Variants in CACNA2D1 observed in about 807,000 individuals in gnomAD.
CACNA2D1 encodes the protein voltage-dependent calcium channel subunit alpha-2/delta-1.
A neutral mutation model predicts 171.5 loss-of-function variants in CACNA2D1; 53 were observed. That is an observed-to-expected ratio of 0.31 (90% CI 0.25 to 0.39). The LOEUF (loss-of-function observed/expected upper bound fraction) is 0.39. CACNA2D1 is among the 10% of genes least tolerant of loss of function. The probability of loss-of-function intolerance (pLI) is 1.00; values close to 1 mark genes in which losing one functional copy is unlikely to be tolerated. For synonymous variants in CACNA2D1, 442 were observed against 443.1 expected (o/e 1.00, Z 0.03); for missense variants, 903 against 1,299.8 (o/e 0.69, Z 4.69).
intron 6 of CACNA2D1, among the ~76,000 whole-genome samples, chr7:82,091,791 T>C (rs1401551473): frequency 6.6e-6 from 1 of 152,194 alleles, no homozygotes; most frequent in African/African-American, 2.4e-5. Flanking sequence ...ACCAAATAAA[T>C]TATTAATGAC....
At chr7:82,364,711 A>G (rs1821479405) in intron 1 of CACNA2D1, among the ~76,000 whole-genome samples, 2 of 152,184 alleles carry the variant, frequency 1.3e-5, no homozygotes. Context: ...AAATTCAAGC[A>G]TAGTGTATAT....
intron 4 of CACNA2D1, among the ~76,000 whole-genome samples, chr7:82,154,333 C>T (rs1794150574): frequency 1.3e-5 from 2 of 152,060 alleles, no homozygotes; most frequent in African/African-American, 4.8e-5. Flanking sequence ...TGTACGTGTA[C>T]AGAGAACAAA....
At chr7:82,408,837 A>G (rs1045591271) in intron 1 of CACNA2D1, among the ~76,000 whole-genome samples, 1 of 152,226 alleles carries the variant, frequency 6.6e-6, no homozygotes, top group Non-Finnish European at 1.5e-5. Flanking sequence ...GATGGTCCCA[A>G]GAAATTTTAT....
intron 1 of CACNA2D1, among the ~76,000 whole-genome samples, chr7:82,368,982 T>G (rs1460811308): frequency 1.3e-5 from 2 of 152,160 alleles, no homozygotes; most frequent in African/African-American, 4.8e-5. Flanking sequence ...TCATATACTT[T>G]CCATTTTTCC....
intron 4 of CACNA2D1, among the ~76,000 whole-genome samples, chr7:82,137,556 T>C (rs1015836598): frequency 2.0e-5 from 3 of 151,978 alleles, no homozygotes; most frequent in African/African-American, 7.3e-5. Context: ...CCCTGCCTCT[T>C]AAACATCCAA....
chr7:82,049,646 C>T (rs1411136558), intron 10 of CACNA2D1, among the ~76,000 whole-genome samples: 2 of 152,148 alleles, frequency 1.3e-5, no homozygotes, highest in Non-Finnish European at 2.9e-5. Context: ...TTTCCAAATG[C>T]AGATGTTCTC....
At chr7:82,370,786 C>G (rs963747350) in intron 1 of CACNA2D1, among the ~76,000 whole-genome samples, 1 of 151,938 alleles carries the variant, frequency 6.6e-6, no homozygotes, top group Non-Finnish European at 1.5e-5. Context: ...GGAAGAAACC[C>G]AAATATTACC....
chr7:82,193,811 T>A (rs1166784157), intron 3 of CACNA2D1, among the ~76,000 whole-genome samples: 3 of 152,172 alleles, frequency 2.0e-5, no homozygotes, highest in African/African-American at 7.2e-5. Context: ...GATTAGCTGC[T>A]TTACAACCTG....
At chr7:82,322,140 A>C (rs1257869482) in intron 3 of CACNA2D1, among the ~76,000 whole-genome samples, 35 of 147,640 alleles carry the variant, frequency 2.4e-4, no homozygotes, top group African/African-American at 8.4e-4. Context: ...AAAAAAAAAA[A>C]AAAAAAAAAA....
chr7:82,121,189 C>G (rs549233151), intron 5 of CACNA2D1, among the ~76,000 whole-genome samples: 53 of 152,158 alleles, frequency 3.5e-4, no homozygotes, highest in Non-Finnish European at 6.2e-4. Flanking sequence ...GCTGCTGGGA[C>G]TACAGGTGCA....
intron 3 of CACNA2D1, among the ~76,000 whole-genome samples, chr7:82,328,189 C>T: frequency 6.6e-6 from 1 of 152,108 alleles, no homozygotes; most frequent in East Asian, 1.9e-4. Flanking sequence ...AGTGGATTAC[C>T]TAATCCCTTC....
chr7:82,000,994 A>C (rs568067623), intron 18 of CACNA2D1, among the ~76,000 whole-genome samples: 1 of 151,642 alleles, frequency 6.6e-6, no homozygotes, highest in Non-Finnish European at 1.5e-5. Context: ...AATGTTGAAC[A>C]TGCTTTGAAA....
chr7:82,333,779 A>G (rs1817664254), intron 3 of CACNA2D1, among the ~76,000 whole-genome samples: 1 of 151,980 alleles, frequency 6.6e-6, no homozygotes, highest in African/African-American at 2.4e-5. Context: ...CTTGGAAAAA[A>G]TAATTTGAAA....
At chr7:82,118,820 T>C (rs189704194) in intron 5 of CACNA2D1, among the ~76,000 whole-genome samples, 18 of 152,150 alleles carry the variant, frequency 1.2e-4, no homozygotes, top group Non-Finnish European at 2.6e-4. Flanking sequence ...TAAGGTACAA[T>C]TGTTAAACAT....
At chr7:81,975,615 GT>G (rs566684916) in intron 24 of CACNA2D1, among the ~76,000 whole-genome samples, 1 of 152,084 alleles carries the variant, frequency 6.6e-6, no homozygotes, top group African/African-American at 2.4e-5. Context: ...TTTGCCTTCT[GT>G]TACATTAAAA....
chr7:82,019,300 T>C (rs1418322324), intron 12 of CACNA2D1, among the ~76,000 whole-genome samples: 8 of 152,200 alleles, frequency 5.3e-5, no homozygotes, highest in African/African-American at 1.9e-4. Flanking sequence ...AGCCTGGTGA[T>C]GGAGTGAGAC....
At chr7:82,378,944 T>C (rs1272011036) in intron 1 of CACNA2D1, among the ~76,000 whole-genome samples, 62 of 27,010 alleles carry the variant, frequency 2.3e-3, no homozygotes, top group Non-Finnish European at 3.5e-3. Context: ...GACTCGTGTG[T>C]GTGTGTGTGT....
intron 3 of CACNA2D1, among the ~76,000 whole-genome samples, chr7:82,216,741 A>G (rs1387487178): frequency 1.3e-5 from 2 of 152,150 alleles, no homozygotes; most frequent in Non-Finnish European, 2.9e-5. Flanking sequence ...CTAAAGCACA[A>G]TGAATCCAAG....
chr7:82,180,602 C>T (rs1466522699), intron 3 of CACNA2D1, among the ~76,000 whole-genome samples: 2 of 152,026 alleles, frequency 1.3e-5, no homozygotes, highest in African/African-American at 4.8e-5. Context: ...TTGAGAGTGG[C>T]CAGAAAGCAA....
Sources: allele counts gnomAD v4.1 joint callset (sites outside exome capture counted in the v4.1 genomes callset), GRCh38; gene constraint gnomAD v4.1.1; transcripts MANE v1.5; gene names NCBI Gene and HGNC (gene_info 2026-07-23, HGNC 2026-07-21).